DNAJC1: variants seen among roughly 807,000 people sequenced by gnomAD.
DNAJC1 encodes the protein dnaJ homolog subfamily C member 1.
In DNAJC1, 58 loss-of-function variants were observed where a neutral mutation model predicts 76.6. The observed-to-expected ratio is 0.76, with a 90% CI of 0.61 to 0.94. The LOEUF (loss-of-function observed/expected upper bound fraction) is 0.94, where lower values mean the gene tolerates loss of function less well. Among genes scored for constraint, DNAJC1 ranks in the 40% least tolerant of loss-of-function variants. The pLI, the probability that DNAJC1 is intolerant of heterozygous loss-of-function variation, is 0.00. For missense variants in DNAJC1, 689 were observed against 677.3 expected, an observed-to-expected ratio of 1.02 and a Z score of -0.19; for synonymous variants, 258 against 267.9, an observed-to-expected ratio of 0.96 and a Z score of 0.36.
chr10:21,821,843 G>GA (rs879615253), intron 8 of DNAJC1, among the ~76,000 whole-genome samples: 4,171 of 127,336 alleles, frequency 0.033, 166 homozygotes, highest in African/African-American at 0.11. Flanking sequence ...ACCTATTCAG[G>GA]AAAAAAAAAA....
intron 1 of DNAJC1, among the ~76,000 whole-genome samples, chr10:21,952,162 T>C (rs1045216736): frequency 6.6e-6 from 1 of 152,184 alleles, no homozygotes; most frequent in African/African-American, 2.4e-5. Flanking sequence ...TTTGTCTCAA[T>C]AGAGAATAAA....
At chr10:21,862,295 A>C (rs1431426096) in intron 8 of DNAJC1, among the ~76,000 whole-genome samples, 1 of 152,162 alleles carries the variant, frequency 6.6e-6, no homozygotes, top group Non-Finnish European at 1.5e-5. Flanking sequence ...AGATTCAAGA[A>C]CACTCTCTTG....
chr10:21,781,257 A>T (rs986293993), intron 9 of DNAJC1, among the ~76,000 whole-genome samples: 23 of 152,180 alleles, frequency 1.5e-4, no homozygotes, highest in Admixed American at 4.6e-4. Context: ...AATAGACATC[A>T]ACAGAACTCT....
intron 10 of DNAJC1, among the ~76,000 whole-genome samples, chr10:21,764,441 A>G (rs1261004438): frequency 1.7e-4 from 26 of 152,196 alleles, no homozygotes; most frequent in Non-Finnish European, 4.4e-5. Flanking sequence ...CATGCTCACT[A>G]AAGCAACTCT....
intron 8 of DNAJC1, among the ~76,000 whole-genome samples, chr10:21,859,304 C>A (rs1483363428): frequency 6.6e-6 from 1 of 152,084 alleles, no homozygotes; most frequent in South Asian, 2.1e-4. Context: ...GTGGCTATTG[C>A]ATATGACTAA....
At chr10:21,826,760 T>C (rs1377887567) in intron 8 of DNAJC1, among the ~76,000 whole-genome samples, 2 of 152,220 alleles carry the variant, frequency 1.3e-5, no homozygotes, top group East Asian at 1.9e-4. Flanking sequence ...GAAAAGACTG[T>C]CTTCTCCACA....
chr10:21,978,414 A>G lies in DNAJC1; in HGVS notation c.222+24799T>C, dbSNP rs7920996. On this transcript the variant is annotated intron_variant, in intron 1 of 11. Coordinates refer to ENST00000376980, the MANE Select transcript of DNAJC1 (RefSeq NM_022365.4). ...GTGGGAAAGTCGATTAGCAAGTGAA[A>G]AGATTGGCTCAGAACCTAGTAAGAC... Among the ~76,000 whole-genome samples, 1,397 of 152,262 alleles carry G rather than the reference A, an allele frequency of 9.2e-3. 26 individuals carry two copies. Among genetic ancestry groups the G allele is most frequent in the African/African-American group, 0.031 (1,302 of 41,560 alleles).
chr10:21,770,051 C>T (rs971162191), intron 9 of DNAJC1, among the ~76,000 whole-genome samples: 3 of 152,194 alleles, frequency 2.0e-5, no homozygotes, highest in Admixed American at 6.5e-5. Flanking sequence ...ATAGTTTTAT[C>T]ATCCAAGTCA....
intron 1 of DNAJC1, among the ~76,000 whole-genome samples, chr10:21,960,152 G>A (rs1402386350): frequency 6.6e-6 from 1 of 152,110 alleles, no homozygotes; most frequent in Non-Finnish European, 1.5e-5. Flanking sequence ...AAAAACAGAT[G>A]CAGTTAAAAG....
chr10:21,831,434 G>C (rs1417886555), intron 8 of DNAJC1, among the ~76,000 whole-genome samples: 1 of 152,174 alleles, frequency 6.6e-6, no homozygotes, highest in Admixed American at 6.5e-5. Flanking sequence ...ACCAAAACTA[G>C]ATTTACTTTT....
intron 8 of DNAJC1, among the ~76,000 whole-genome samples, chr10:21,839,677 G>A (rs1314015694): frequency 6.6e-6 from 1 of 152,188 alleles, no homozygotes; most frequent in Non-Finnish European, 1.5e-5. Context: ...GAGGTACAAG[G>A]AGGAGCTGGT....
At position 21,829,999 on chromosome 10, in the gene DNAJC1, T is replaced by C. The variant is rs967633021; in HGVS notation, c.979-23900A>G. 2.0e-5 allele frequency among the ~76,000 whole-genome samples: 3 copies of C among 152,180 alleles called. No homozygotes were observed. In the South Asian group the frequency reaches 6.2e-4, roughly 31 times the overall value. On this transcript the variant is annotated intron_variant, in intron 8 of 11. Coordinates refer to ENST00000376980, the MANE Select transcript of DNAJC1 (RefSeq NM_022365.4). ...CAATCACTAACAAATCTAAAGTAAA[T>C]CCATATCTATCCCCCTCCCATTAAA...
At chr10:21,806,780 T>A (rs1834889434) in intron 8 of DNAJC1, among the ~76,000 whole-genome samples, 1 of 152,124 alleles carries the variant, frequency 6.6e-6, no homozygotes. Context: ...CAAGTCCATG[T>A]AAAGCAGCAT....
Position 21,759,304 on chromosome 10 carries a change from CTTT to C in DNAJC1, c.1459_1461del (p.Lys487del), listed in dbSNP as rs1834212752. ...GGCTCCTCTGCAGACCGAGCTCTCT[CTTT>C]TCTCAGGCTCTCCTCGTCGCTGGAC... On this transcript the variant is annotated inframe_deletion, in exon 11 of 12. Transcript: ENST00000376980. 6.2e-7 allele frequency: 1 copy of C among 1,614,138 alleles called. No individual in the cohort carries two copies. The highest frequency in any genetic ancestry group is 1.3e-5 in the African/African-American group (1 of 74,954).
intron 1 of DNAJC1, among the ~76,000 whole-genome samples, chr10:21,983,119 C>A: frequency 6.6e-6 from 1 of 152,056 alleles, no homozygotes; most frequent in East Asian, 1.9e-4. Context: ...TAGGTATATA[C>A]CTAAAAGAAT....
intron 1 of DNAJC1, among the ~76,000 whole-genome samples, chr10:21,952,441 C>G (rs1157724142): frequency 6.6e-6 from 1 of 152,024 alleles, no homozygotes; most frequent in African/African-American, 2.4e-5. Context: ...AGTAAGAAAG[C>G]TTCCTATTCT....
At chr10:22,001,203 C>G (rs1838514106) in intron 1 of DNAJC1, among the ~76,000 whole-genome samples, 1 of 152,200 alleles carries the variant, frequency 6.6e-6, no homozygotes, top group African/African-American at 2.4e-5. Flanking sequence ...CCACTTTCAG[C>G]AGCCTACCTA....
chr10:21,789,594 C>T (rs984436911), intron 9 of DNAJC1, among the ~76,000 whole-genome samples: 2 of 151,614 alleles, frequency 1.3e-5, no homozygotes, highest in African/African-American at 4.9e-5. Flanking sequence ...TAAGAATGTA[C>T]AGATAGATAA....
intron 1 of DNAJC1, among the ~76,000 whole-genome samples, chr10:21,950,456 T>C (rs1837575161): frequency 1.3e-5 from 2 of 152,114 alleles, no homozygotes; most frequent in Non-Finnish European, 2.9e-5. Context: ...CTCTTTCTCT[T>C]TGGGCCTCCC....
Sources: gnomAD v4.1 joint callset for allele counts (sites outside exome capture counted in the v4.1 genomes callset) on GRCh38, gnomAD v4.1.1 for gene constraint, MANE v1.5 for transcripts, NCBI Gene and HGNC (gene_info 2026-07-23, HGNC 2026-07-21) for gene names.